MAGI1: variants seen among roughly 807,000 people sequenced by gnomAD.
The protein encoded by MAGI1 is membrane associated guanylate kinase, WW and PDZ domain containing 1.
A neutral mutation model predicts 139.9 loss-of-function variants in MAGI1; 58 were observed. The observed-to-expected ratio is 0.41, with a 90% CI of 0.34 to 0.52. MAGI1 has a LOEUF of 0.52. MAGI1 is among the 20% of genes least tolerant of loss of function. The pLI, the probability that MAGI1 is intolerant of heterozygous loss-of-function variation, is 0.12. For synonymous variants in MAGI1, 812 were observed against 737.9 expected, an observed-to-expected ratio of 1.10 and a Z score of -1.63; for missense variants, 1,874 against 1,901.6, an observed-to-expected ratio of 0.99 and a Z score of 0.27.
intron 1 of MAGI1, among the ~76,000 whole-genome samples, chr3:65,759,658 T>G (rs894802535): frequency 6.6e-6 from 1 of 152,232 alleles, no homozygotes; most frequent in African/African-American, 2.4e-5. Flanking sequence ...GAACATTTAC[T>G]TGCATTTATT....
chr3:65,391,950 A>T (rs949018344), intron 13 of MAGI1, among the ~76,000 whole-genome samples: 2 of 152,224 alleles, frequency 1.3e-5, no homozygotes, highest in African/African-American at 4.8e-5. Flanking sequence ...AATTACTAAT[A>T]TATGAAGAAC....
At chr3:65,460,787 G>T (rs1050923447) in intron 5 of MAGI1, among the ~76,000 whole-genome samples, 1 of 152,160 alleles carries the variant, frequency 6.6e-6, no homozygotes, top group Non-Finnish European at 1.5e-5. Flanking sequence ...TTATAAGTGA[G>T]AACATGGGGT....
At chr3:65,472,907 A>C (rs190259610) in intron 4 of MAGI1, among the ~76,000 whole-genome samples, 1 of 152,326 alleles carries the variant, frequency 6.6e-6, no homozygotes, top group East Asian at 1.9e-4. Flanking sequence ...CATCAGTGAA[A>C]AATGAAAGGT....
intron 1 of MAGI1, among the ~76,000 whole-genome samples, chr3:65,795,696 TACACACACACACAC>T (rs10527666): frequency 5.0e-5 from 7 of 138,930 alleles, no homozygotes; most frequent in Admixed American, 4.5e-4. Flanking sequence ...GATGATAAGA[TACACACACACACAC>T]ACACACACAC....
chr3:65,979,374 G>A (rs1053622987), intron 1 of MAGI1, among the ~76,000 whole-genome samples: 2 of 152,102 alleles, frequency 1.3e-5, no homozygotes, highest in African/African-American at 4.8e-5. Context: ...GTTTCCTTCA[G>A]GAGCAGTTGG....
chr3:65,401,634 G>C (rs1250217584), intron 12 of MAGI1, 164 bp from the exon 13 acceptor site: 7 of 1,549,508 alleles, frequency 4.5e-6, no homozygotes, highest in African/African-American at 2.7e-5. Context: ...TGTTCATATC[G>C]AATCAAAGCA....
intron 1 of MAGI1, among the ~76,000 whole-genome samples, chr3:65,680,578 T>A (rs2087513568): frequency 6.6e-6 from 1 of 151,900 alleles, no homozygotes; most frequent in African/African-American, 2.4e-5. Context: ...CCGCACCTGG[T>A]TAATTTTTCT....
intron 2 of MAGI1, among the ~76,000 whole-genome samples, chr3:65,595,706 C>T (rs2082159541): frequency 6.6e-6 from 1 of 151,926 alleles, no homozygotes; most frequent in African/African-American, 2.4e-5. Flanking sequence ...AACACCAAAC[C>T]TCAAGCATCT....
At chr3:65,663,807 G>C (rs2086341354) in intron 1 of MAGI1, among the ~76,000 whole-genome samples, 1 of 152,162 alleles carries the variant, frequency 6.6e-6, no homozygotes, top group Admixed American at 6.5e-5. Context: ...CACTAGGTCA[G>C]TAGTCAGTAG....
chr3:65,755,433 C>T (rs796860499), intron 1 of MAGI1, among the ~76,000 whole-genome samples: 7 of 152,144 alleles, frequency 4.6e-5, no homozygotes, highest in African/African-American at 1.7e-4. Context: ...TCAGAATATT[C>T]ACTCAAGCAT....
At chr3:65,759,067 A>C (rs1357379587) in intron 1 of MAGI1, among the ~76,000 whole-genome samples, 2 of 25,032 alleles carry the variant, frequency 8.0e-5, no homozygotes, top group South Asian at 1.8e-3. Flanking sequence ...GCCCAGTGCA[A>C]AAAAAAAAAA....
intron 1 of MAGI1, among the ~76,000 whole-genome samples, chr3:65,729,248 T>C (rs1010162147): frequency 2.6e-5 from 4 of 151,772 alleles, no homozygotes; most frequent in Admixed American, 2.6e-4. Flanking sequence ...CCAAAATCTC[T>C]ATTACATTAT....
chr3:65,943,017 T>A (rs1475695781), intron 1 of MAGI1, among the ~76,000 whole-genome samples: 2 of 152,154 alleles, frequency 1.3e-5, no homozygotes, highest in African/African-American at 4.8e-5. Flanking sequence ...GGAGACTCTG[T>A]CTCAAAAGAA....
intron 1 of MAGI1, among the ~76,000 whole-genome samples, chr3:65,970,193 C>T (rs181813781): frequency 1.3e-5 from 2 of 152,252 alleles, no homozygotes; most frequent in Admixed American, 6.5e-5. Context: ...CATGCTACAA[C>T]GTGAATAACC....
chr3:65,555,663 C>T (rs889408242), intron 2 of MAGI1, among the ~76,000 whole-genome samples: 3 of 152,142 alleles, frequency 2.0e-5, no homozygotes, highest in Non-Finnish European at 4.4e-5. Context: ...CAAGACCAGG[C>T]TGGGCAACAA....
At position 65,379,333 on chromosome 3, in the gene MAGI1, G is replaced by T. The variant is rs1384914199; in HGVS notation, c.2923C>A (p.Arg975Ser). The change falls in exon 17 of 23, where the codon CGC (arginine) becomes AGC (serine). Residue 975 changes from arginine to serine, a missense_variant. By Grantham distance (110) the Arg-to-Ser change is moderately radical. Transcript: ENST00000402939. Reference sequence around the variant, plus strand: ...AAGCCGAAGCCCTCGTTCTCCCCGCGCCGGATCTCCACGTCGTAGGGCTGC... The same window carrying T: ...AAGCCGAAGCCCTCGTTCTCCCCGCTCCGGATCTCCACGTCGTAGGGCTGC... ...VVQPYDVEIRRGENEGFGFVI... is the reference protein window; with the variant it reads ...VVQPYDVEIRSGENEGFGFVI... 6.2e-7 allele frequency: 1 copy of T among 1,613,118 alleles called. No individual in the cohort carries two copies. Among genetic ancestry groups the T allele is most frequent in the Admixed American group, 1.7e-5 (1 of 59,928 alleles).
At chr3:65,616,291 T>C (rs762158887) in intron 2 of MAGI1, among the ~76,000 whole-genome samples, 7 of 152,014 alleles carry the variant, frequency 4.6e-5, no homozygotes, top group East Asian at 3.9e-4. Flanking sequence ...CAAGGGCACA[T>C]GGGAAAATAC....
rs183849726 is a variant in MAGI1 at position 65,537,056 on chromosome 3, C to T, written c.431-43425G>A. Among the ~76,000 whole-genome samples the T allele has an allele frequency of 1.5e-4, 23 of 152,230 alleles. No homozygotes were observed. The East Asian group carries it at 1.5e-3, about 10-fold the overall frequency. ...AATTTTAAGTGAAATAGAAGTGTTACGGGGGATTGCACAGGCTCATAAAAC... is the reference window on the plus strand; with the variant it reads ...AATTTTAAGTGAAATAGAAGTGTTATGGGGGATTGCACAGGCTCATAAAAC... On this transcript the variant is annotated intron_variant, in intron 2 of 22. Coordinates refer to ENST00000402939, the MANE Select transcript of MAGI1 (RefSeq NM_001033057.2).
At chr3:65,765,844 A>G (rs1251735715) in intron 1 of MAGI1, among the ~76,000 whole-genome samples, 1 of 150,996 alleles carries the variant, frequency 6.6e-6, no homozygotes, top group Non-Finnish European at 1.5e-5. Context: ...CTTCTAAGCA[A>G]GGCAATGATT....
Sources: allele counts gnomAD v4.1 joint callset (sites outside exome capture counted in the v4.1 genomes callset), GRCh38; gene constraint gnomAD v4.1.1; transcripts MANE v1.5; gene names NCBI Gene and HGNC (gene_info 2026-07-23, HGNC 2026-07-21).